Variants in KCTD14 observed in about 807,000 individuals in gnomAD.
The protein encoded by KCTD14 is BTB/POZ domain-containing protein KCTD14.
A neutral mutation model predicts 5.9 loss-of-function variants in KCTD14; 7 were observed. The observed-to-expected ratio is 1.19, with a 90% confidence interval of 0.68 to 2.23. The LOEUF (loss-of-function observed/expected upper bound fraction) is 2.23, where lower values mean the gene tolerates loss of function less well. KCTD14 is among the 30% of genes most tolerant of loss of function. The probability of loss-of-function intolerance (pLI) is 0.00; values close to 1 mark genes in which losing one functional copy is unlikely to be tolerated. For missense variants in KCTD14, 342 were observed against 332.2 expected, an observed-to-expected ratio of 1.03 and a Z score of -0.23; for synonymous variants, 140 against 133.1, an observed-to-expected ratio of 1.05 and a Z score of -0.36.
intron 2 of KCTD14, among the ~76,000 whole-genome samples, chr11:78,031,376 A>T (rs781617078): frequency 7.9e-5 from 12 of 151,554 alleles, no homozygotes; most frequent in Non-Finnish European, 1.3e-4. Context: ...TTTATTTTTT[A>T]AAATTTATTT....
chr11:78,039,558 T>A (rs1047355496), intron 1 of KCTD14, among the ~76,000 whole-genome samples: 1 of 151,554 alleles, frequency 6.6e-6, no homozygotes, highest in Non-Finnish European at 1.5e-5. Flanking sequence ...AAAGATTTAT[T>A]TAAACATGTA....
chr11:78,043,591 A>C (rs1858051505), intron 1 of KCTD14, among the ~76,000 whole-genome samples: 1 of 152,220 alleles, frequency 6.6e-6, no homozygotes, highest in South Asian at 2.1e-4. Flanking sequence ...GCACAAGCAC[A>C]GTGGAGGGGC....
chr11:78,022,630 A>T (rs1857336629), intron 1 of KCTD14, among the ~76,000 whole-genome samples: 1 of 151,336 alleles, frequency 6.6e-6, no homozygotes, highest in Non-Finnish European at 1.5e-5. Context: ...CTCCTCCCCA[A>T]CTCCCCTCAC....
At chr11:78,029,376 T>A (rs1185281291) in intron 2 of KCTD14, among the ~76,000 whole-genome samples, 1 of 152,096 alleles carries the variant, frequency 6.6e-6, no homozygotes, top group African/African-American at 2.4e-5. Context: ...ACCTCCCGGT[T>A]ATGGGCACCC....
At chr11:78,025,614 C>T (rs1476531745), upstream of KCTD14, among the ~76,000 whole-genome samples, 1 of 152,164 alleles carries the variant, frequency 6.6e-6, no homozygotes, top group African/African-American at 2.4e-5. Flanking sequence ...TGAGGCCTAA[C>T]TAGCATTGTC....
upstream of KCTD14, among the ~76,000 whole-genome samples, chr11:78,025,895 A>C (rs934786871): frequency 6.6e-6 from 1 of 152,162 alleles, no homozygotes; most frequent in African/African-American, 2.4e-5. Context: ...AAGAGAAGAA[A>C]CTTTACATTG....
chr11:78,034,279 T>A (rs1157176289), intron 2 of KCTD14, among the ~76,000 whole-genome samples: 1 of 152,174 alleles, frequency 6.6e-6, no homozygotes, highest in Non-Finnish European at 1.5e-5. Context: ...CATAGCACCA[T>A]GCCTGGCTAG....
upstream of KCTD14, among the ~76,000 whole-genome samples, chr11:78,025,110 GTGTGTGTGTATATA>G (rs1366930734): frequency 7.4e-4 from 52 of 70,022 alleles, no homozygotes; most frequent in African/African-American, 3.3e-3. Context: ...GTGTGTGTGT[GTGTGTGTGTATATA>G]TATATATATA....
chr11:78,033,901 G>GTGTGTGTATATATATATA lies in KCTD14; in HGVS notation c.-1+4762_-1+4763insTATATATATATACACACA. ...ATAGTGTGTGTGTATGTGTGTGTGT[G>GTGTGTGTATATATATATA]TATATATATATATACACACATTATA... is the stretch of plus-strand genomic sequence containing the variant. On this transcript the variant is annotated intron_variant, in intron 2 of 2. Transcript: ENST00000533144. Among the ~76,000 whole-genome samples, 67 of 115,590 alleles carry GTGTGTGTATATATATATA rather than the reference G, an allele frequency of 5.8e-4. 1 individual carries two copies. The highest frequency in any genetic ancestry group is 4.6e-3 in the Admixed American group (47 of 10,292). 75.8% of individuals were successfully genotyped at this position (115,590 alleles called of 152,430 possible).
chr11:78,038,791 T>A, intron 1 of KCTD14: 1 of 1,534,484 alleles, frequency 6.5e-7, no homozygotes, highest in Non-Finnish European at 8.7e-7. Flanking sequence ...TAGAAGACTA[T>A]CAGTGTTCAC....
exon 1 of KCTD14, chr11:78,046,096 A>G: frequency 2.0e-6 from 2 of 985,244 alleles, no homozygotes; most frequent in Non-Finnish European, 2.4e-6. Flanking sequence ...GAGAAAAGCG[A>G]GTGATCTGCC....
At chr11:78,035,844 C>CAAAAAAAAAAA (rs559820760) in intron 2 of KCTD14, among the ~76,000 whole-genome samples, 1 of 79,298 alleles carries the variant, frequency 1.3e-5, no homozygotes, top group Non-Finnish European at 2.2e-5. Context: ...GACTCCATCT[C>CAAAAAAAAAAA]AAAAAAAAAA....
chr11:78,046,077 G>A, exon 1 of KCTD14: 2 of 984,810 alleles, frequency 2.0e-6, no homozygotes, highest in Non-Finnish European at 2.4e-6. Context: ...GTAAACCGGG[G>A]AGGACTCCGA....
At chr11:78,026,658 A>C (rs1857474060), upstream of KCTD14, among the ~76,000 whole-genome samples, 1 of 152,080 alleles carries the variant, frequency 6.6e-6, no homozygotes, top group Admixed American at 6.6e-5. Flanking sequence ...AGTCTCAGCT[A>C]CTTGGGAGGC....
In KCTD14 at chr11:78,037,377, T is replaced by C. The variant is rs552113147; in HGVS notation, c.-1+1287A>G. 8.6e-4 allele frequency among the ~76,000 whole-genome samples: 131 copies of C among 152,292 alleles called. 2 individuals are homozygous for C. Among genetic ancestry groups the C allele is most frequent in the Non-Finnish European group, 1.6e-3 (107 of 68,020 alleles). ...TGGGCTCTCTTTGCAGGGCTACTTATGGCTGATAACTTGCTCTCCAAGCTC... is the reference window on the plus strand; with the variant it reads ...TGGGCTCTCTTTGCAGGGCTACTTACGGCTGATAACTTGCTCTCCAAGCTC... On this transcript the variant is annotated intron_variant, in intron 2 of 2. Coordinates refer to the KCTD14 transcript ENST00000533144.
chr11:78,035,265 T>G (rs1857754922), intron 2 of KCTD14, among the ~76,000 whole-genome samples: 1 of 152,154 alleles, frequency 6.6e-6, no homozygotes, highest in African/African-American at 2.4e-5. Context: ...CAGGCTTCCA[T>G]GCACCCTGGC....
At chr11:78,019,381 T>A (rs1292230170) in intron 1 of KCTD14, among the ~76,000 whole-genome samples, 1 of 151,988 alleles carries the variant, frequency 6.6e-6, no homozygotes, top group Non-Finnish European at 1.5e-5. Context: ...TGCAGTGGCA[T>A]GATCATAACT....
At chr11:78,035,119 T>C (rs1857750843) in intron 2 of KCTD14, among the ~76,000 whole-genome samples, 1 of 152,146 alleles carries the variant, frequency 6.6e-6, no homozygotes, top group Non-Finnish European at 1.5e-5. Flanking sequence ...CACTTTACAA[T>C]GGGTATATCT....
chr11:78,033,899 G>GTACATATATATA (rs1322215432), intron 2 of KCTD14, among the ~76,000 whole-genome samples: 28 of 46,466 alleles, frequency 6.0e-4, no homozygotes, highest in African/African-American at 1.5e-3. Flanking sequence ...ATGTGTGTGT[G>GTACATATATATA]TGTATATATA....
Sources: gnomAD v4.1 joint callset for allele counts (sites outside exome capture counted in the v4.1 genomes callset) on GRCh38, gnomAD v4.1.1 for gene constraint, MANE v1.5 for transcripts, NCBI Gene and HGNC (gene_info 2026-07-23, HGNC 2026-07-21) for gene names.